The following MYCBP2 variants were observed in gnomAD, a reference collection of about 807,000 sequenced individuals.
MYCBP2 encodes the protein E3 ubiquitin-protein ligase MYCBP2.
Under a neutral mutation model 525.3 loss-of-function variants are expected in MYCBP2, and 120 were observed. The observed-to-expected ratio is 0.23, with a 90% CI of 0.20 to 0.27. MYCBP2 has a LOEUF of 0.27. Among genes scored for constraint, MYCBP2 ranks in the 10% least tolerant of loss-of-function variants. The pLI, the probability that MYCBP2 is intolerant of heterozygous loss-of-function variation, is 1.00. For missense variants in MYCBP2, 4,149 were observed against 5,657.1 expected, an observed-to-expected ratio of 0.73 and a Z score of 8.55; for synonymous variants, 1,894 against 1,955.8, an observed-to-expected ratio of 0.97 and a Z score of 0.83.
At chr13:77,102,478 T>A (rs1273595579) in intron 55 of MYCBP2, among the ~76,000 whole-genome samples, 3 of 151,558 alleles carry the variant, frequency 2.0e-5, no homozygotes, top group Middle Eastern at 5.0e-3. Context: ...ATACAAGATT[T>A]TAAAAGATTT....
chr13:77,224,187 T>C (rs2065955834), intron 20 of MYCBP2, among the ~76,000 whole-genome samples: 1 of 152,218 alleles, frequency 6.6e-6, no homozygotes, highest in African/African-American at 2.4e-5. Flanking sequence ...TAGTGATATT[T>C]TGTGACAATC....
At chr13:77,083,291 G>A (rs1332807553) in intron 62 of MYCBP2, 99 bp from the exon 63 acceptor site, 1 of 1,128,338 alleles carries the variant, frequency 8.9e-7, no homozygotes. Flanking sequence ...TCATGTAACA[G>A]AAATACAAAC....
chr13:77,199,203 G>A (rs1187208261), intron 26 of MYCBP2, among the ~76,000 whole-genome samples: 1 of 152,252 alleles, frequency 6.6e-6, no homozygotes, highest in Non-Finnish European at 1.5e-5. Context: ...GCGAGCTGAA[G>A]CAGGGCGAGG....
rs2058530511 is a variant in MYCBP2, at chr13:77,166,497, T to C, written c.6172A>G (p.Thr2058Ala). The C allele has an allele frequency of 1.2e-6, 2 of 1,613,830 alleles. No homozygotes were observed. The highest frequency in any genetic ancestry group is 2.7e-5 in the African/African-American group (2 of 74,928). ...MTIEFDPQCG[T>A]AQSEDVLRLL... The stretch of plus-strand genomic sequence containing the variant: ...CGAAGGACATCTTCTGACTGTGCAG[T>C]ACCACACTGAGGGTCAAATTCGATT... The change falls in exon 41 of 83, where the codon ACT becomes GCT. Residue 2058 changes from threonine (T) to alanine (A), a missense_variant. By Grantham distance (58) the Thr-to-Ala change is moderately conservative. This residue lies in a region of MYCBP2 where 692 missense variants were observed against 852.7 expected (regional missense o/e 0.81). Transcript: ENST00000544440.
In MYCBP2 at chr13:77,096,304, T is replaced by C. The variant is rs1211457079; in HGVS notation, c.9954+8A>G. On this transcript the variant is annotated splice_region_variant and intron_variant, in intron 57 of 82. Transcript: ENST00000544440. ...ATTAAAAGTATAGCTCCAAATGGAATAAAATACCTTCTCCCTTGCAGCAGC... is the reference window on the plus strand; with the variant it reads ...ATTAAAAGTATAGCTCCAAATGGAACAAAATACCTTCTCCCTTGCAGCAGC... 6.2e-7 allele frequency: 1 copy of C among 1,612,562 alleles called. No individual in the cohort carries two copies. Among genetic ancestry groups the C allele is most frequent in the Admixed American group, 1.7e-5 (1 of 59,932 alleles).
intron 21 of MYCBP2, among the ~76,000 whole-genome samples, 199 bp from the exon 22 acceptor site, chr13:77,212,359 C>G (rs937681139): frequency 6.6e-6 from 1 of 151,894 alleles, no homozygotes; most frequent in African/African-American, 2.4e-5. Flanking sequence ...TTCTATTATT[C>G]CTGGAAAGTC....
At chr13:77,070,850 T>G (rs1258566460) in intron 68 of MYCBP2, 139 bp from the exon 69 acceptor site, 4 of 518,936 alleles carry the variant, frequency 7.7e-6, no homozygotes, top group Admixed American at 3.7e-5. Context: ...AAATTGAGGC[T>G]TATAATACTA....
intron 28 of MYCBP2, 69 bp downstream of exon 28, chr13:77,191,610 G>A: frequency 6.5e-7 from 1 of 1,545,368 alleles, no homozygotes; most frequent in South Asian, 1.2e-5. Flanking sequence ...AAAGTACTCT[G>A]AATTTTCAAA....
At chr13:77,131,487 AACACACAC>A (rs369448891) in intron 52 of MYCBP2, among the ~76,000 whole-genome samples, 2 of 136,126 alleles carry the variant, frequency 1.5e-5, no homozygotes, top group Admixed American at 7.9e-5. Flanking sequence ...CTTCATCTCA[AACACACAC>A]ACACACACAC....
At chr13:77,239,340 A>G (rs1010214060) in intron 17 of MYCBP2, among the ~76,000 whole-genome samples, 26 of 152,200 alleles carry the variant, frequency 1.7e-4, no homozygotes, top group African/African-American at 5.3e-4. Context: ...GGCCAAAGAA[A>G]TAAAAGATCT....
intron 78 of MYCBP2, among the ~76,000 whole-genome samples, chr13:77,057,443 T>C (rs112817143): frequency 0.015 from 2,241 of 152,282 alleles, 56 homozygotes; most frequent in African/African-American, 0.05. Context: ...TTGGAGACTA[T>C]TATTATCTTG....
chr13:77,243,230 T>C, intron 16 of MYCBP2, 70 bp from the exon 17 acceptor site: 2 of 1,186,720 alleles, frequency 1.7e-6, no homozygotes, highest in South Asian at 2.5e-5. Context: ...CAGAACTACA[T>C]AAAATTCAAG....
At chr13:77,238,622 A>G (rs1594217535) in intron 17 of MYCBP2, among the ~76,000 whole-genome samples, 1 of 152,226 alleles carries the variant, frequency 6.6e-6, no homozygotes, top group Non-Finnish European at 1.5e-5. Flanking sequence ...AATGAATACT[A>G]TTAATACCTA....
In MYCBP2 at chr13:77,144,416, G is replaced by A. The variant is rs78397431; in HGVS notation, c.7303+29C>T. The A allele has an allele frequency of 2.4e-3, 3,497 of 1,444,352 alleles. 72 individuals carry two copies. In the African/African-American group the frequency reaches 0.043, roughly 18 times the overall value. 89.5% of individuals were successfully genotyped at this position (1,444,352 alleles called of 1,614,324 possible). A position where few individuals can be genotyped will look rare whatever the true frequency, so the allele number is the denominator to read the frequency against. ...TTTTGACTCTAGTTATTTGAAGTAAGTAGTAGCTCATGGCTTTAAAGAAAA... is the reference window on the plus strand; with the variant it reads ...TTTTGACTCTAGTTATTTGAAGTAAATAGTAGCTCATGGCTTTAAAGAAAA... On this transcript the variant is annotated intron_variant, in intron 49 of 82. Transcript: ENST00000544440.
chr13:77,172,336 G>A (rs982751432), intron 37 of MYCBP2, among the ~76,000 whole-genome samples: 2 of 152,194 alleles, frequency 1.3e-5, no homozygotes, highest in Non-Finnish European at 2.9e-5. Flanking sequence ...AGAGTGAAGC[G>A]TGATGGGTGG....
chr13:77,293,907 A>G (rs1273288246), intron 2 of MYCBP2, among the ~76,000 whole-genome samples: 2 of 151,970 alleles, frequency 1.3e-5, no homozygotes, highest in African/African-American at 4.8e-5. Flanking sequence ...TTTGGACTTC[A>G]GATTTCCAGA....
In MYCBP2 at chr13:77,171,499, A is replaced by G. The variant is rs1176668783; in HGVS notation, c.5787T>C (p.Ala1929=). 4.3e-6 allele frequency: 7 copies of G among 1,612,050 alleles called. No homozygotes were observed. Among genetic ancestry groups the G allele is most frequent in the Non-Finnish European group, 5.9e-6 (7 of 1,179,218 alleles). Residue 1929 remains alanine (A), a synonymous_variant, in exon 38 of 83, where the codon GCT becomes GCC. Transcript: ENST00000544440. ...AGAAAGAAAAAATATTACCATCCAC[A>G]GCAAGAGCTCTGTGCAGGAGGTCCT... is the stretch of plus-strand genomic sequence containing the variant. ...ASKDLLHRAL[A]VDADDIPELL...
rs2080256513 is a variant in MYCBP2, at chr13:77,265,499, A to G, written c.1358-1497T>C. Reference sequence around the variant, plus strand: ...TTTAAAGAATAAAATGACAATTATCAGATAAAAAAAGTATGTTTTAAGTTC... The same window carrying G: ...TTTAAAGAATAAAATGACAATTATCGGATAAAAAAAGTATGTTTTAAGTTC... On this transcript the variant is annotated intron_variant, in intron 8 of 82. Transcript: ENST00000544440. Among the ~76,000 whole-genome samples the G allele has an allele frequency of 1.3e-5, 2 of 152,158 alleles. 1 individual carries two copies. Among genetic ancestry groups the G allele is most frequent in the South Asian group, 4.1e-4 (2 of 4,830 alleles).
chr13:77,222,963 T>G (rs772266567), intron 20 of MYCBP2, among the ~76,000 whole-genome samples: 2 of 152,034 alleles, frequency 1.3e-5, no homozygotes, highest in Admixed American at 6.6e-5. Context: ...TAAGGCAGAG[T>G]AGAAGGTCAA....
Sources: gnomAD v4.1 joint callset for allele counts (sites outside exome capture counted in the v4.1 genomes callset) on GRCh38, gnomAD v4.1.1 for gene constraint, gnomAD v4.1.1 regional missense constraint, MANE v1.5 for transcripts, NCBI Gene and HGNC (gene_info 2026-07-23, HGNC 2026-07-21) for gene names.